The following TENM3 variants were observed in gnomAD, a reference collection of about 807,000 sequenced individuals.
TENM3 encodes teneurin-3.
A neutral mutation model predicts 255.1 loss-of-function variants in TENM3; 63 were observed. The observed-to-expected ratio is 0.25, with a 90% CI of 0.20 to 0.30. TENM3 has a LOEUF of 0.30. TENM3 is among the 10% of genes least tolerant of loss of function. The pLI is 1.00. For missense variants in TENM3, 2,929 were observed against 3,461.1 expected, an observed-to-expected ratio of 0.85 and a Z score of 3.86; for synonymous variants, 1,306 against 1,322.3, an observed-to-expected ratio of 0.99 and a Z score of 0.27.
the TENM3 span, among the ~76,000 whole-genome samples, chr4:181,603,148 G>A: frequency 6.6e-6 from 1 of 152,264 alleles, no homozygotes; most frequent in South Asian, 2.1e-4. Context: ...ATGACAAAAT[G>A]CCATACTTGT....
At chr4:182,461,245 G>A (rs1051615449) in intron 3 of TENM3, among the ~76,000 whole-genome samples, 1 of 152,196 alleles carries the variant, frequency 6.6e-6, no homozygotes, top group African/African-American at 2.4e-5. Flanking sequence ...GAAAGTCAGT[G>A]TCATATCAAG....
At chr4:181,723,393 G>A in the TENM3 span, among the ~76,000 whole-genome samples, 7 of 151,280 alleles carry the variant, frequency 4.6e-5, no homozygotes, top group East Asian at 1.4e-3. Flanking sequence ...TCATTTTCAT[G>A]ATTTTTCTTC....
chr4:181,672,180 C>A, the TENM3 span, among the ~76,000 whole-genome samples: 1 of 152,108 alleles, frequency 6.6e-6, no homozygotes, highest in Non-Finnish European at 1.5e-5. Flanking sequence ...TGCCACAAGG[C>A]TCCAGTGTCC....
chr4:181,753,987 TG>T, the TENM3 span, among the ~76,000 whole-genome samples: 2 of 152,096 alleles, frequency 1.3e-5, no homozygotes, highest in African/African-American at 4.8e-5. Flanking sequence ...GGAAGTAAAA[TG>T]ATGTGGGGAA....
At chr4:182,274,003 G>T (rs1023762523) in intron 1 of TENM3, among the ~76,000 whole-genome samples, 2 of 152,120 alleles carry the variant, frequency 1.3e-5, no homozygotes, top group African/African-American at 4.8e-5. Context: ...CCCTACAATG[G>T]ACCTGTTAGA....
At position 182,789,442 on chromosome 4, in the gene TENM3, A is replaced by G; in HGVS notation, c.5601+53A>G. 2.6e-6 allele frequency: 4 copies of G among 1,528,868 alleles called. No homozygotes were observed. The highest frequency in any genetic ancestry group is 3.6e-6 in the Non-Finnish European group (4 of 1,125,550). 94.7% of individuals were successfully genotyped at this position (1,528,868 alleles called of 1,614,324 possible). A position where few individuals can be genotyped will look rare whatever the true frequency, so the allele number is the denominator to read the frequency against. ...AGGGAAAGGATAATTCACATTTTTC[A>G]GCAATCATCCAGAGCACTAAGGGGA... is the stretch of plus-strand genomic sequence containing the variant. On this transcript the variant is annotated intron_variant, in intron 25 of 27. Transcript: ENST00000511685. The surrounding 1 kb of genome is among the most constrained non-coding windows in gnomAD (Gnocchi z 4.4).
chr4:181,932,476 G>T, the TENM3 span, among the ~76,000 whole-genome samples: 1 of 152,018 alleles, frequency 6.6e-6, no homozygotes, highest in Non-Finnish European at 1.5e-5. Context: ...ACCATCTCAC[G>T]CCAGTTAGAA....
chr4:182,324,000 T>C lies in TENM3; in HGVS notation c.-21T>C. ...TAAGTTGTCACCAGCAGGACTGATG[T>C]GCACACAGAAGGAATGAAGTATGGA... On this transcript the variant is annotated 5_prime_UTR_variant, in exon 2 of 28. Transcript: ENST00000511685. 1 of 1,604,796 alleles carries C rather than the reference T, an allele frequency of 6.2e-7. No homozygotes were observed. Among genetic ancestry groups the C allele is most frequent in the Non-Finnish European group, 8.5e-7 (1 of 1,173,878 alleles).
At chr4:181,456,113 G>GTATA in the TENM3 span, among the ~76,000 whole-genome samples, 16 of 79,522 alleles carry the variant, frequency 2.0e-4, no homozygotes, top group Non-Finnish European at 1.8e-4. Context: ...GTGTGTGTGT[G>GTATA]TATATATATA....
At chr4:181,986,487 A>G in the TENM3 span, among the ~76,000 whole-genome samples, 1 of 151,998 alleles carries the variant, frequency 6.6e-6, no homozygotes, top group Non-Finnish European at 1.5e-5. Context: ...GTGTTTCCGC[A>G]TGATAATTAA....
At chr4:181,672,322 CTTTA>C in the TENM3 span, among the ~76,000 whole-genome samples, 3 of 152,166 alleles carry the variant, frequency 2.0e-5, no homozygotes, top group East Asian at 1.9e-4. Context: ...GCAATATTTG[CTTTA>C]TTTGTTATTT....
At chr4:181,487,272 G>A in the TENM3 span, among the ~76,000 whole-genome samples, 4 of 152,246 alleles carry the variant, frequency 2.6e-5, no homozygotes, top group East Asian at 7.7e-4. Flanking sequence ...TTGTTTGACT[G>A]TTTACTTTTT....
the TENM3 span, among the ~76,000 whole-genome samples, chr4:181,867,504 G>C: frequency 6.6e-6 from 1 of 152,028 alleles, no homozygotes; most frequent in Non-Finnish European, 1.5e-5. Context: ...TCACCAGTTT[G>C]GTATATTTAT....
At chr4:182,535,136 C>A (rs1398015990) in intron 3 of TENM3, among the ~76,000 whole-genome samples, 1 of 152,150 alleles carries the variant, frequency 6.6e-6, no homozygotes, top group African/African-American at 2.4e-5. Flanking sequence ...AAACAACAAC[C>A]AAGCTGTACA....
At chr4:182,076,200 C>CCTT in the TENM3 span, among the ~76,000 whole-genome samples, 16,190 of 131,988 alleles carry the variant, frequency 0.12, 1,477 homozygotes, top group Admixed American at 0.17. Context: ...GCCTCTTTCT[C>CCTT]CTTCTTCTTC....
chr4:181,882,375 A>G, the TENM3 span, among the ~76,000 whole-genome samples: 85,203 of 152,040 alleles, frequency 0.56, 24,539 homozygotes, highest in Middle Eastern at 0.66. Flanking sequence ...GAGAAATGAA[A>G]GGAGTGAGCC....
chr4:181,825,548 T>C, the TENM3 span, among the ~76,000 whole-genome samples: 3 of 152,156 alleles, frequency 2.0e-5, no homozygotes, highest in Non-Finnish European at 4.4e-5. Flanking sequence ...GTATTCCAAA[T>C]TGTAGTCCCA....
chr4:182,757,799 T>A (rs570510737), intron 22 of TENM3, among the ~76,000 whole-genome samples: 1 of 152,182 alleles, frequency 6.6e-6, no homozygotes, highest in African/African-American at 2.4e-5. Context: ...TTTTAAAGAA[T>A]GAAAGATTTT....
the TENM3 span, among the ~76,000 whole-genome samples, chr4:181,566,259 C>A: frequency 6.6e-6 from 1 of 152,142 alleles, no homozygotes; most frequent in Non-Finnish European, 1.5e-5. Flanking sequence ...CTCCAGAACA[C>A]TTACTAATAT....
Sources: gnomAD v4.1 joint callset for allele counts (sites outside exome capture counted in the v4.1 genomes callset) on GRCh38, gnomAD v4.1.1 for gene constraint, Gnocchi (gnomAD v3.1) non-coding constraint, MANE v1.5 for transcripts, NCBI Gene and HGNC (gene_info 2026-07-23, HGNC 2026-07-21) for gene names.